Variants in DISP1 observed in about 807,000 individuals in gnomAD.
DISP1 encodes the protein protein dispatched homolog 1.
Under a neutral mutation model 37.3 loss-of-function variants are expected in DISP1, and 30 were observed. The observed-to-expected ratio is 0.80, with a 90% CI of 0.60 to 1.09. DISP1 has a LOEUF of 1.09. Among genes scored for constraint, DISP1 ranks in the 50% least tolerant of loss-of-function variants. The pLI is 0.00. For synonymous variants in DISP1, 634 were observed against 690.2 expected (o/e 0.92, Z 1.28); for missense variants, 1,598 against 1,879.5 (o/e 0.85, Z 2.77).
chr1:222,995,810 G>T (rs148668497), intron 8 of DISP1, among the ~76,000 whole-genome samples: 1 of 152,106 alleles, frequency 6.6e-6, no homozygotes, highest in Admixed American at 6.5e-5. Flanking sequence ...TTAAAAAATC[G>T]AATCATGTGC....
At chr1:222,890,900 AT>A (rs1383953370) in intron 1 of DISP1, among the ~76,000 whole-genome samples, 7 of 151,996 alleles carry the variant, frequency 4.6e-5, no homozygotes, top group African/African-American at 1.7e-4. Context: ...CTGTGTCCAG[AT>A]TTCCTCTTTT....
chr1:222,961,344 C>G (rs767906661), intron 3 of DISP1, among the ~76,000 whole-genome samples: 3 of 152,166 alleles, frequency 2.0e-5, no homozygotes, highest in Non-Finnish European at 4.4e-5. Flanking sequence ...TAATCCATCA[C>G]ATAAACAGAA....
At position 222,990,683 on chromosome 1, in the gene DISP1, A is replaced by C. The variant is rs763882525; in HGVS notation, c.598A>C (p.Ile200Leu). 1.2e-6 allele frequency: 2 copies of C among 1,614,134 alleles called. No individual in the cohort carries two copies. The highest frequency in any genetic ancestry group is 1.7e-6 in the Non-Finnish European group (2 of 1,180,008). ...GGTCTTGGGCATGTGCACCATGTTC[A>C]TCGTAGTCTGTGCCTTGGTTGGAGT... ...VVVLGMCTMF[I>L]VVCALVGVLV... The change falls in exon 5 of 9, where the codon ATC (isoleucine) becomes CTC (leucine). Residue 200 changes from isoleucine (I) to leucine (L), a missense_variant. Transcript: ENST00000675850.
chr1:222,898,392 A>T (rs934263809), intron 1 of DISP1, among the ~76,000 whole-genome samples: 9 of 152,140 alleles, frequency 5.9e-5, no homozygotes, highest in African/African-American at 2.2e-4. Context: ...AGTAAAGGTG[A>T]TTGGTTGAAA....
At chr1:222,830,251 T>G (rs1558281216) in intron 1 of DISP1, among the ~76,000 whole-genome samples, 1 of 152,128 alleles carries the variant, frequency 6.6e-6, no homozygotes, top group Non-Finnish European at 1.5e-5. Context: ...TTTATTTTTT[T>G]GGGGGGGTCA....
chr1:222,991,229 A>G (rs1199951901), intron 5 of DISP1, among the ~76,000 whole-genome samples: 1 of 152,254 alleles, frequency 6.6e-6, no homozygotes, highest in African/African-American at 2.4e-5. Context: ...TAATTTTTAT[A>G]AGATAAAAGT....
At chr1:222,908,167 T>G (rs916062020) in intron 1 of DISP1, among the ~76,000 whole-genome samples, 5 of 152,026 alleles carry the variant, frequency 3.3e-5, no homozygotes, top group African/African-American at 1.2e-4. Flanking sequence ...GTATAGTAGG[T>G]AAAAAACTGG....
At chr1:222,911,989 G>C (rs35947998) in intron 1 of DISP1, among the ~76,000 whole-genome samples, 1 of 151,926 alleles carries the variant, frequency 6.6e-6, no homozygotes, top group Non-Finnish European at 1.5e-5. Flanking sequence ...GTGGATGCCA[G>C]CTTAAAGAAT....
chr1:222,849,652 T>C (rs1668114486), intron 1 of DISP1, among the ~76,000 whole-genome samples: 1 of 152,188 alleles, frequency 6.6e-6, no homozygotes, highest in Non-Finnish European at 1.5e-5. Context: ...CACATACTAG[T>C]AGACTGTTAC....
intron 1 of DISP1, among the ~76,000 whole-genome samples, chr1:222,894,861 T>C (rs1246372121): frequency 2.6e-5 from 4 of 152,172 alleles, no homozygotes; most frequent in Non-Finnish European, 5.9e-5. Flanking sequence ...TTAAAACACA[T>C]AAATAAATAT....
At position 223,004,434 on chromosome 1, in the gene DISP1, A is replaced by G. The variant is rs769091015; in HGVS notation, c.3037A>G (p.Ile1013Val). 11 of 1,614,102 alleles carry G rather than the reference A, an allele frequency of 6.8e-6. No individual in the cohort carries two copies. In the Admixed American group the frequency reaches 1.5e-4, roughly 22 times the overall value. The change falls in exon 9 of 9, where the codon ATC becomes GTC. Residue 1013 changes from isoleucine (I) to valine (V), a missense_variant. Coordinates refer to ENST00000675850, the MANE Select transcript of DISP1 (RefSeq NM_001377229.1). This position sits in a 1 kb window ranked among gnomAD's most constrained non-coding sequence, Gnocchi z 4.9. ...TWNIIISLYA[I>V]ISIAGTIFVT... ...GAACATCATCATAAGCCTTTATGCC[A>G]TCATTTCAATTGCTGGAACGATATT...
chr1:222,941,529 T>C (rs1318290385), intron 2 of DISP1, among the ~76,000 whole-genome samples: 1 of 152,206 alleles, frequency 6.6e-6, no homozygotes, highest in African/African-American at 2.4e-5. Flanking sequence ...ACTGAATTTG[T>C]GTATGTGGGG....
intron 1 of DISP1, among the ~76,000 whole-genome samples, chr1:222,901,740 T>C (rs1671598019): frequency 6.6e-6 from 1 of 152,188 alleles, no homozygotes; most frequent in African/African-American, 2.4e-5. Flanking sequence ...TTGGCCAGGC[T>C]GGTCTGGAAC....
chr1:222,899,641 T>C (rs1671472995), intron 1 of DISP1: 1 of 152,206 alleles, frequency 6.6e-6, no homozygotes, highest in African/African-American at 2.4e-5. Context: ...TGCAGTGGCA[T>C]GATCATAGTT....
chr1:223,000,647 A>G (rs1228375713), intron 8 of DISP1, among the ~76,000 whole-genome samples: 2 of 152,162 alleles, frequency 1.3e-5, no homozygotes, highest in African/African-American at 2.4e-5. Context: ...AGGACACCCA[A>G]TTCCACAGTC....
intron 1 of DISP1, among the ~76,000 whole-genome samples, chr1:222,890,544 G>A (rs984647649): frequency 1.3e-5 from 2 of 152,108 alleles, no homozygotes; most frequent in African/African-American, 4.8e-5. Context: ...GGAGATAAGG[G>A]ATAGTTCATT....
rs115886732 is a variant in DISP1, at chr1:222,893,361, C to A, written c.-158-35069C>A. Among the ~76,000 whole-genome samples the A allele has an allele frequency of 6.6e-6, 1 of 152,222 alleles. No individual in the cohort carries two copies. Among genetic ancestry groups the A allele is most frequent in the African/African-American group, 2.4e-5 (1 of 41,454 alleles). Reference sequence around the variant, plus strand: ...TGGAAACCTCTGTAGCTGGCGGAGCCTTCTTCCTGAGCACTGCTTGTGCCT... The same window carrying A: ...TGGAAACCTCTGTAGCTGGCGGAGCATTCTTCCTGAGCACTGCTTGTGCCT... On this transcript the variant is annotated intron_variant, in intron 1 of 8. Transcript: ENST00000675850. This position sits in a 1 kb window ranked among gnomAD's most constrained non-coding sequence, Gnocchi z 4.3.
chr1:222,984,070 C>T (rs1173980216), intron 4 of DISP1, among the ~76,000 whole-genome samples: 1 of 151,654 alleles, frequency 6.6e-6, no homozygotes, highest in Admixed American at 6.6e-5. Flanking sequence ...AGTAAACTCT[C>T]CTTCTATTTA....
chr1:222,965,847 C>T (rs761206141), intron 3 of DISP1, among the ~76,000 whole-genome samples: 10 of 152,024 alleles, frequency 6.6e-5, no homozygotes, highest in Non-Finnish European at 1.5e-4. Flanking sequence ...CAAGCCAGGA[C>T]GACACAGTGA....
Sources: allele counts gnomAD v4.1 joint callset (sites outside exome capture counted in the v4.1 genomes callset), GRCh38; gene constraint gnomAD v4.1.1; non-coding constraint Gnocchi (gnomAD v3.1); transcripts MANE v1.5; gene names NCBI Gene and HGNC (gene_info 2026-07-23, HGNC 2026-07-21).